The following OPCML variants were observed in gnomAD, a reference collection of about 807,000 sequenced individuals.
The protein encoded by OPCML is opioid binding protein/cell adhesion molecule like.
A neutral mutation model predicts 37.8 loss-of-function variants in OPCML; 13 were observed. That is an observed-to-expected ratio of 0.34 (90% confidence interval 0.22 to 0.55). The LOEUF is 0.55. Among genes scored for constraint, OPCML ranks in the 20% least tolerant of loss-of-function variants. OPCML has a pLI of 0.91. For missense variants in OPCML, 341 were observed against 435.6 expected (o/e 0.78, Z 1.93); for synonymous variants, 176 against 168.8 (o/e 1.04, Z -0.33).
In OPCML at chr11:132,696,080, G is replaced by A. The variant is rs115608775; in HGVS notation, c.147-38761C>T. On this transcript the variant is annotated intron_variant, in intron 2 of 7. Coordinates refer to ENST00000524381, the MANE Select transcript of OPCML (RefSeq NM_001012393.5). ...AGCCCACTATTAACCCAGGCAAATA[G>A]AACAAATGGTTTCTTTTAAAAATAA... Among the ~76,000 whole-genome samples, 525 of 152,220 alleles carry A rather than the reference G, an allele frequency of 3.4e-3. 6 individuals carry two copies. The highest frequency in any genetic ancestry group is 0.012 in the African/African-American group (508 of 41,548).
chr11:132,426,345 A>G (rs1439974711), intron 7 of OPCML, among the ~76,000 whole-genome samples: 2 of 152,212 alleles, frequency 1.3e-5, no homozygotes, highest in Non-Finnish European at 2.9e-5. Flanking sequence ...ACATAGCAAC[A>G]ACAACAACAA....
intron 2 of OPCML, among the ~76,000 whole-genome samples, chr11:132,700,138 G>C (rs1233896798): frequency 1.3e-5 from 2 of 151,760 alleles, no homozygotes; most frequent in Non-Finnish European, 2.9e-5. Flanking sequence ...TTGTGTTTCT[G>C]TAAACTGTAT....
At chr11:133,100,101 T>C (rs954308376) in intron 1 of OPCML, among the ~76,000 whole-genome samples, 15 of 152,206 alleles carry the variant, frequency 9.9e-5, no homozygotes, top group African/African-American at 3.4e-4. Context: ...CTCTCACTTA[T>C]AAGTGGGAAC....
intron 4 of OPCML, among the ~76,000 whole-genome samples, chr11:132,473,023 CT>C (rs1293597351): frequency 6.6e-6 from 1 of 152,200 alleles, no homozygotes; most frequent in Non-Finnish European, 1.5e-5. Context: ...GCTCCCTTCA[CT>C]AGGCTTGGAA....
chr11:132,520,413 C>T (rs915495067), intron 4 of OPCML, among the ~76,000 whole-genome samples: 1 of 152,078 alleles, frequency 6.6e-6, no homozygotes, highest in Non-Finnish European at 1.5e-5. Flanking sequence ...TTTCTCTGAC[C>T]TATTTTAGGG....
chr11:132,942,802 C>T, intron 2 of OPCML, 124 bp downstream of exon 2: 1 of 1,286,084 alleles, frequency 7.8e-7, no homozygotes, highest in Non-Finnish European at 1.1e-6. Context: ...AGCGGGCGCC[C>T]CTCGGGCCTG....
intron 1 of OPCML, among the ~76,000 whole-genome samples, chr11:133,320,449 A>G (rs1361876312): frequency 1.3e-5 from 2 of 152,212 alleles, no homozygotes; most frequent in African/African-American, 2.4e-5. Flanking sequence ...CACATAAAAT[A>G]AGAGTAGTAA....
At chr11:133,301,178 G>A (rs1565558578) in intron 1 of OPCML, 1 of 152,108 alleles carries the variant, frequency 6.6e-6, no homozygotes, top group Non-Finnish European at 1.5e-5. Flanking sequence ...CTAGTTTGGT[G>A]ATAAACTATA....
intron 2 of OPCML, among the ~76,000 whole-genome samples, chr11:132,791,078 G>C (rs1186195571): frequency 6.6e-6 from 1 of 152,158 alleles, no homozygotes; most frequent in Non-Finnish European, 1.5e-5. Flanking sequence ...GTGGGGTATT[G>C]TAACACTCTC....
chr11:133,491,374 G>A (rs1050080686), intron 1 of OPCML, among the ~76,000 whole-genome samples: 11 of 152,164 alleles, frequency 7.2e-5, no homozygotes, highest in Non-Finnish European at 1.2e-4. Context: ...CACTAGGTGA[G>A]GGGAGAAAAA....
chr11:133,154,982 G>T (rs1430948836), intron 1 of OPCML, among the ~76,000 whole-genome samples: 1 of 152,144 alleles, frequency 6.6e-6, no homozygotes, highest in Non-Finnish European at 1.5e-5. Context: ...AGTGCAACCT[G>T]TTTATCCTAT....
intron 2 of OPCML, among the ~76,000 whole-genome samples, chr11:132,826,838 T>C (rs1940375800): frequency 6.6e-6 from 1 of 152,212 alleles, no homozygotes; most frequent in African/African-American, 2.4e-5. Context: ...GACACATTTG[T>C]ATGAATACAC....
intron 1 of OPCML, among the ~76,000 whole-genome samples, chr11:133,482,443 GA>G (rs1947396738): frequency 6.6e-6 from 1 of 152,172 alleles, no homozygotes; most frequent in Admixed American, 6.5e-5. Flanking sequence ...CAATGTCTGT[GA>G]AAAGCCCCTG....
At chr11:132,623,470 A>G (rs1939551477) in intron 3 of OPCML, among the ~76,000 whole-genome samples, 1 of 152,158 alleles carries the variant, frequency 6.6e-6, no homozygotes, top group African/African-American at 2.4e-5. Context: ...AAAAATGAGC[A>G]TTTTATTGCT....
At chr11:133,448,067 T>A (rs117198491) in intron 1 of OPCML, among the ~76,000 whole-genome samples, 1 of 152,238 alleles carries the variant, frequency 6.6e-6, no homozygotes. Flanking sequence ...TATTTTTTCC[T>A]TTGTGAATCA....
At position 133,458,218 on chromosome 11, in the gene OPCML, A is replaced by ACC. The variant is rs770953723; in HGVS notation, c.61+74045_61+74046insGG. 1.4e-3 allele frequency among the ~76,000 whole-genome samples: 181 copies of ACC among 133,704 alleles called. 1 individual carries two copies. Among genetic ancestry groups the ACC allele is most frequent in the Non-Finnish European group, 1.6e-3 (109 of 66,224 alleles). 87.7% of individuals were successfully genotyped at this position (133,704 alleles called of 152,430 possible). The stretch of plus-strand genomic sequence containing the variant: ...TATATACACGTGTGTGTATATATAC[A>ACC]CATATATACACGTGTGTGTATATAT... On this transcript the variant is annotated intron_variant, in intron 1 of 7. Coordinates refer to ENST00000524381, the MANE Select transcript of OPCML (RefSeq NM_001012393.5).
chr11:132,633,929 A>G (rs1274024644), intron 3 of OPCML, among the ~76,000 whole-genome samples: 3 of 152,188 alleles, frequency 2.0e-5, no homozygotes, highest in Admixed American at 6.5e-5. Flanking sequence ...AGTCAGGGCT[A>G]CAGTGAGAGC....
chr11:133,157,105 C>T (rs984638391), intron 1 of OPCML, among the ~76,000 whole-genome samples: 6 of 152,040 alleles, frequency 3.9e-5, no homozygotes, highest in African/African-American at 1.4e-4. Context: ...ATGGCAAAAT[C>T]TTCAGAGGGA....
Position 133,097,239 on chromosome 11 carries a change from G to T in OPCML, c.62-154229C>A, listed in dbSNP as rs1949016120. On this transcript the variant is annotated intron_variant, in intron 1 of 7. Coordinates refer to ENST00000524381, the MANE Select transcript of OPCML (RefSeq NM_001012393.5). ...GTAATTAAACTAGAAATCAATAACGGGAAGATCACTGGAAAAATCTTAAGA... is the reference window on the plus strand; with the variant it reads ...GTAATTAAACTAGAAATCAATAACGTGAAGATCACTGGAAAAATCTTAAGA... 2.0e-5 allele frequency among the ~76,000 whole-genome samples: 3 copies of T among 152,064 alleles called. No individual in the cohort carries two copies. In the South Asian group the frequency reaches 6.2e-4, roughly 31 times the overall value.
Sources: gnomAD v4.1 joint callset for allele counts (sites outside exome capture counted in the v4.1 genomes callset) on GRCh38, gnomAD v4.1.1 for gene constraint, MANE v1.5 for transcripts, NCBI Gene and HGNC (gene_info 2026-07-23, HGNC 2026-07-21) for gene names.